The following MTMR10 variants were observed in gnomAD, a reference collection of about 807,000 sequenced individuals.
MTMR10 encodes the protein myotubularin related protein 10.
In MTMR10, 56 loss-of-function variants were observed where a neutral mutation model predicts 88.1. The ratio of observed to expected loss-of-function variants is 0.64; its 90% CI spans 0.51 to 0.79. MTMR10 has a LOEUF of 0.79. MTMR10 is among the 30% of genes least tolerant of loss of function. The probability of loss-of-function intolerance (pLI) is 0.00; values close to 1 mark genes in which losing one functional copy is unlikely to be tolerated. For synonymous variants in MTMR10, 380 were observed against 340.9 expected (o/e 1.11, Z -1.26); for missense variants, 883 against 924.7 (o/e 0.95, Z 0.58).
At chr15:30,989,552 G>T (rs1365086294) in intron 2 of MTMR10, among the ~76,000 whole-genome samples, 1 of 151,332 alleles carries the variant, frequency 6.6e-6, no homozygotes, top group Non-Finnish European at 1.5e-5. Flanking sequence ...TTGCAATGCT[G>T]ATAGTAGCCA....
chr15:30,991,465 G>A lies in MTMR10; in HGVS notation c.42C>T (p.Tyr14=), dbSNP rs1364416016. The change falls in exon 1 of 16, where the codon TAC becomes TAT. Residue 14 remains tyrosine (Y), a synonymous_variant. Coordinates refer to ENST00000435680, the MANE Select transcript of MTMR10 (RefSeq NM_017762.3). ...LKPPKPTFRS[Y]LLPPPQTDDK... ...TGTTTACCTGGGGCGGTGGCAGGAG[G>A]TAGGACCTGAAGGTGGGTTTGGGCG... The A allele has an allele frequency of 6.0e-6, 9 of 1,511,084 alleles. No homozygotes were observed. The highest frequency in any genetic ancestry group is 2.9e-5 in the African/African-American group (2 of 67,970). The allele number at this position is 1,511,084 out of a possible 1,614,324, so 93.6% of individuals were successfully genotyped here. A position where few individuals can be genotyped will look rare whatever the true frequency, so the allele number is the denominator to read the frequency against.
rs115422944 is a variant in MTMR10 at position 30,952,495 on chromosome 15, G to A, written c.1137-457C>T. ...TCCTCCTGCCTCCACCTCCTGAGCAGCTAGGACCACAGGCACGAGCCACCA... is the reference window on the plus strand; with the variant it reads ...TCCTCCTGCCTCCACCTCCTGAGCAACTAGGACCACAGGCACGAGCCACCA... On this transcript the variant is annotated intron_variant, in intron 11 of 15. Transcript: ENST00000435680. Among the ~76,000 whole-genome samples, 4 of 151,454 alleles carry A rather than the reference G, an allele frequency of 2.6e-5. No homozygotes were observed. In the South Asian group the frequency reaches 8.4e-4, roughly 32 times the overall value.
intron 14 of MTMR10, among the ~76,000 whole-genome samples, chr15:30,945,674 A>T (rs2063160357): frequency 6.6e-6 from 1 of 152,254 alleles, no homozygotes; most frequent in African/African-American, 2.4e-5. Context: ...GACGAAAAAT[A>T]AAAACAAGCA....
Position 30,960,899 on chromosome 15 carries a change from C to A in MTMR10, c.740G>T (p.Gly247Val). 6.2e-7 allele frequency: 1 copy of A among 1,608,176 alleles called. No individual in the cohort carries two copies. The highest frequency in any genetic ancestry group is 8.5e-7 in the Non-Finnish European group (1 of 1,175,734). The change falls in exon 7 of 16, where the codon GGT (glycine) becomes GTT (valine). Residue 247 changes from glycine (G) to valine (V), a missense_variant. This residue lies in a region of MTMR10 where 414 missense variants were observed against 423.2 expected (regional missense o/e 0.98). Coordinates refer to ENST00000435680, the MANE Select transcript of MTMR10 (RefSeq NM_017762.3). ...SGWRVCSINEGYMISTCLPEY... is the reference protein window; with the variant it reads ...SGWRVCSINEVYMISTCLPEY... Reference sequence around the variant, plus strand: ...TACTTACCAAGTGGATATCATGTAACCCTCGTTAATAGAACAAACTCTCCA... The same window carrying A: ...TACTTACCAAGTGGATATCATGTAAACCTCGTTAATAGAACAAACTCTCCA...
the MTMR10 span, among the ~76,000 whole-genome samples, chr15:30,933,300 C>T: frequency 6.6e-6 from 1 of 152,168 alleles, no homozygotes; most frequent in African/African-American, 2.4e-5. Flanking sequence ...TTTATCTGAA[C>T]CTCACAAATT....
chr15:30,973,492 A>C (rs1293805888), intron 5 of MTMR10, among the ~76,000 whole-genome samples: 3 of 152,168 alleles, frequency 2.0e-5, no homozygotes, highest in Non-Finnish European at 4.4e-5. Context: ...GATTTACTGC[A>C]GTCAGTTGAC....
chr15:30,986,433 T>C (rs1170408461), intron 2 of MTMR10, among the ~76,000 whole-genome samples: 1 of 152,050 alleles, frequency 6.6e-6, no homozygotes, highest in Admixed American at 6.5e-5. Context: ...TAGTAGGTTC[T>C]AGTTTAGATT....
chr15:30,991,229 G>A, intron 1 of MTMR10: 2 of 496,816 alleles, frequency 4.0e-6, no homozygotes, highest in East Asian at 3.5e-5. Context: ...CAGAACTTCG[G>A]GCAGAGAATG....
chr15:30,920,686 C>A, the MTMR10 span: 5 of 1,281,368 alleles, frequency 3.9e-6, no homozygotes, highest in Non-Finnish European at 5.6e-6. Context: ...CCCACCATTA[C>A]TGATGTGATG....
chr15:30,977,980 A>T (rs1252883168), intron 2 of MTMR10, among the ~76,000 whole-genome samples: 1 of 152,200 alleles, frequency 6.6e-6, no homozygotes, highest in South Asian at 2.1e-4. Context: ...CACTTTGAAG[A>T]CAAGCCTCCC....
rs746804597 is a variant in MTMR10 at position 30,941,970 on chromosome 15, G to T, written c.1834C>A (p.Pro612Thr). 6.2e-6 allele frequency: 10 copies of T among 1,613,862 alleles called. No individual in the cohort carries two copies. Among genetic ancestry groups the T allele is most frequent in the Middle Eastern group, 3.3e-4 (2 of 6,084 alleles). ...LPRRNSLILK[P>T]KPDPAQQTDS... ...GTTTGCTGAGCTGGATCTGGCTTTG[G>T]TTTTAATATCAATGAATTTCTCCTT... is the stretch of plus-strand genomic sequence containing the variant. The change falls in exon 16 of 16, where the codon CCA (proline) becomes ACA (threonine). Residue 612 changes from proline to threonine, a missense_variant. By Grantham distance (38) the Pro-to-Thr change is conservative. Around this residue, in one of 3 missense-constraint regions of MTMR10, gnomAD observed 343 missense variants for 323.2 expected, o/e 1.06. Transcript: ENST00000435680.
At chr15:30,927,978 G>T in the MTMR10 span, 5 of 985,870 alleles carry the variant, frequency 5.1e-6, no homozygotes, top group East Asian at 3.4e-4. Context: ...TTTAAGGCCA[G>T]ATGTCTCTGT....
chr15:30,975,353 T>G (rs1284106408), intron 3 of MTMR10, among the ~76,000 whole-genome samples: 1 of 152,174 alleles, frequency 6.6e-6, no homozygotes, highest in African/African-American at 2.4e-5. Flanking sequence ...CACTGAAGAT[T>G]TTAAAGTGCA....
In MTMR10 at chr15:30,941,500, C is replaced by T. The variant is rs775498228; in HGVS notation, c.2304G>A (p.Leu768=). 5.6e-6 allele frequency: 9 copies of T among 1,611,270 alleles called. No homozygotes were observed. The East Asian group carries it at 2.0e-4, about 36-fold the overall frequency. The change falls in exon 16 of 16, where the codon TTG becomes TTA. Residue 768 remains leucine (L), a synonymous_variant. Coordinates refer to ENST00000435680, the MANE Select transcript of MTMR10 (RefSeq NM_017762.3). ...SKFLSGAKIW[L]STETLANED ...CTTCATTTGCTAATGTCTCAGTAGA[C>T]AACCATATTTTGGCCCCACTTAAAA... is the stretch of plus-strand genomic sequence containing the variant.
chr15:30,922,740 G>T, the MTMR10 span, among the ~76,000 whole-genome samples: 1 of 152,246 alleles, frequency 6.6e-6, no homozygotes, highest in Non-Finnish European at 1.5e-5. Context: ...GTAGCACAGG[G>T]TCTCTAGGTA....
At chr15:30,955,542 T>C (rs539546176) in intron 9 of MTMR10, among the ~76,000 whole-genome samples, 50 of 151,812 alleles carry the variant, frequency 3.3e-4, no homozygotes, top group African/African-American at 1.2e-3. Flanking sequence ...AGTGCTGGGA[T>C]TACAGGCGTG....
At position 30,991,597 on chromosome 15, in the gene MTMR10, C is replaced by T. The variant is rs921142548; in HGVS notation, c.-91G>A. The T allele has an allele frequency of 1.3e-5, 18 of 1,433,150 alleles. No homozygotes were observed. Among genetic ancestry groups the T allele is most frequent in the Non-Finnish European group, 1.7e-5 (18 of 1,085,786 alleles). The allele number at this position is 1,433,150 out of a possible 1,614,324, so 88.8% of individuals were successfully genotyped here. A position where few individuals can be genotyped will look rare whatever the true frequency, so the allele number is the denominator to read the frequency against. On this transcript the variant is annotated 5_prime_UTR_variant, in exon 1 of 16. Coordinates refer to ENST00000435680, the MANE Select transcript of MTMR10 (RefSeq NM_017762.3). ...AAAGCTCTCAGTGCGGCCGCCCAGG[C>T]CCTTTCTGCGGCCAGCCGAGCCGGG...
At chr15:30,931,986 A>G in the MTMR10 span, among the ~76,000 whole-genome samples, 1 of 151,422 alleles carries the variant, frequency 6.6e-6, no homozygotes, top group African/African-American at 2.4e-5. Flanking sequence ...ACTTTGGGAG[A>G]CAGAGGTGGG....
At position 30,948,374 on chromosome 15, in the gene MTMR10, T is replaced by C. The variant is rs1438224428; in HGVS notation, c.1305A>G (p.Ile435Met). The C allele has an allele frequency of 6.2e-7, 1 of 1,613,796 alleles. No homozygotes were observed. Among genetic ancestry groups the C allele is most frequent in the South Asian group, 1.1e-5 (1 of 91,048 alleles). The change falls in exon 13 of 16, where the codon ATA (isoleucine) becomes ATG (methionine). Residue 435 changes from isoleucine to methionine, a missense_variant. This residue lies in a region of MTMR10 where 126 missense variants were observed against 178.2 expected (regional missense o/e 0.71). Transcript: ENST00000435680. ...FRTITGFQSL[I>M]QKEWVMAGYQ... ...ATCCTGCCATGACCCACTCCTTCTGTATCAGACTCTGAAATCCAGTAATTG... is the reference window on the plus strand; with the variant it reads ...ATCCTGCCATGACCCACTCCTTCTGCATCAGACTCTGAAATCCAGTAATTG...
Sources: gnomAD v4.1 joint callset for allele counts (sites outside exome capture counted in the v4.1 genomes callset) on GRCh38, gnomAD v4.1.1 for gene constraint, gnomAD v4.1.1 regional missense constraint, MANE v1.5 for transcripts, NCBI Gene and HGNC (gene_info 2026-07-23, HGNC 2026-07-21) for gene names.